The following AGBL3 variants were observed in gnomAD, a reference collection of about 807,000 sequenced individuals.
The protein encoded by AGBL3 is AGBL carboxypeptidase 3.
In AGBL3, 68 loss-of-function variants were observed where a neutral mutation model predicts 94.5. The ratio of observed to expected loss-of-function variants is 0.72; its 90% CI spans 0.59 to 0.88. The LOEUF (loss-of-function observed/expected upper bound fraction) is 0.88, where lower values mean the gene tolerates loss of function less well. Ranked by LOEUF, AGBL3 falls within the 40% of genes least tolerant of loss-of-function variation. The probability of loss-of-function intolerance (pLI) is 0.00; values close to 1 mark genes in which losing one functional copy is unlikely to be tolerated. For synonymous variants in AGBL3, 354 were observed against 370.7 expected (o/e 0.95, Z 0.52); for missense variants, 934 against 1,103.8 (o/e 0.85, Z 2.18).
At chr7:135,078,789 C>G (rs62479685) in intron 13 of AGBL3, among the ~76,000 whole-genome samples, 11,913 of 152,128 alleles carry the variant, frequency 0.078, 519 homozygotes, top group Middle Eastern at 0.19. Flanking sequence ...AAGCTAATAG[C>G]AGATTGTGGT....
chr7:134,991,015 G>A (rs1256553245), intron 3 of AGBL3, among the ~76,000 whole-genome samples: 2 of 152,144 alleles, frequency 1.3e-5, no homozygotes, highest in African/African-American at 2.4e-5. Flanking sequence ...TCAGATCTCA[G>A]TTCTGATCTG....
rs181251812 is a variant in AGBL3, at chr7:135,103,873, C to T, written c.2111-11507C>T. On this transcript the variant is annotated intron_variant, in intron 15 of 16. Transcript: ENST00000436302. ...TTGTAATTTTCTTCAACTGCTTCAA[C>T]TGCTTTATTTTTTTTTAATGTAAGG... Among the ~76,000 whole-genome samples, 11 of 152,142 alleles carry T rather than the reference C, an allele frequency of 7.2e-5. No homozygotes were observed. The East Asian group carries it at 2.1e-3, about 29-fold the overall frequency.
At chr7:134,998,632 A>G (rs1811310566) in intron 4 of AGBL3, among the ~76,000 whole-genome samples, 1 of 152,226 alleles carries the variant, frequency 6.6e-6, no homozygotes, top group Non-Finnish European at 1.5e-5. Flanking sequence ...ATATATAGGT[A>G]CAGAACTAGT....
intron 4 of AGBL3, among the ~76,000 whole-genome samples, chr7:135,009,818 G>A (rs1318705838): frequency 6.6e-6 from 1 of 152,128 alleles, no homozygotes; most frequent in East Asian, 1.9e-4. Flanking sequence ...CTTTAGCTGT[G>A]CCTTTTTACC....
rs1256396793 is a variant in AGBL3, at chr7:135,134,566, G to A, written c.2343-275G>A. 3.3e-5 allele frequency among the ~76,000 whole-genome samples: 5 copies of A among 151,756 alleles called. No individual in the cohort carries two copies. In the East Asian group the frequency reaches 9.7e-4, roughly 29 times the overall value. On this transcript the variant is annotated intron_variant, in intron 16 of 16. Coordinates refer to ENST00000436302, the MANE Select transcript of AGBL3 (RefSeq NM_178563.4). ...ACTAGATATATAGGTAAGGAGCTGG[G>A]GCCCAGAGTGGCTATTATATTAGGA...
chr7:134,993,441 G>A, intron 3 of AGBL3, 52 bp from the exon 4 acceptor site: 19 of 1,409,200 alleles, frequency 1.3e-5, no homozygotes, highest in Non-Finnish European at 1.7e-5. Context: ...AATTACAGGA[G>A]TTGGTATTTT....
At chr7:135,072,905 A>C (rs1479399901) in intron 12 of AGBL3, among the ~76,000 whole-genome samples, 1 of 152,108 alleles carries the variant, frequency 6.6e-6, no homozygotes, top group East Asian at 1.9e-4. Context: ...CTAAAACTTA[A>C]AGTATAATAA....
chr7:135,010,087 G>T lies in AGBL3; in HGVS notation c.311-6965G>T, dbSNP rs1444956326. The T allele has an allele frequency of 1.4e-5, 6 of 423,742 alleles. No individual in the cohort carries two copies. In the Admixed American group the frequency reaches 1.7e-4, roughly 12 times the overall value. 26.2% of individuals were successfully genotyped at this position (423,742 alleles called of 1,614,324 possible). A position where few individuals can be genotyped will look rare whatever the true frequency, so the allele number is the denominator to read the frequency against. The stretch of plus-strand genomic sequence containing the variant: ...GAGTCTCACCAGGCTGGAGCGCAGT[G>T]GTGCGATCTCGGCTCACTGCAACCT... On this transcript the variant is annotated intron_variant, in intron 4 of 16. Coordinates refer to ENST00000436302, the MANE Select transcript of AGBL3 (RefSeq NM_178563.4).
At chr7:135,079,253 A>G (rs1054671223) in intron 13 of AGBL3, among the ~76,000 whole-genome samples, 5 of 152,160 alleles carry the variant, frequency 3.3e-5, no homozygotes, top group Non-Finnish European at 5.9e-5. Flanking sequence ...TTGTCTTGCT[A>G]GTGATTGCAT....
chr7:134,999,520 C>T (rs929638762), intron 4 of AGBL3, among the ~76,000 whole-genome samples: 4 of 152,184 alleles, frequency 2.6e-5, no homozygotes, highest in Non-Finnish European at 5.9e-5. Context: ...ACCCACATGC[C>T]CACCTCAAGT....
chr7:135,073,508 A>AAAT (rs1707853695), intron 12 of AGBL3, among the ~76,000 whole-genome samples: 2 of 115,906 alleles, frequency 1.7e-5, no homozygotes, highest in Non-Finnish European at 2.0e-5. Flanking sequence ...ATAAATAAAT[A>AAAT]AATAAACCTT....
intron 15 of AGBL3, among the ~76,000 whole-genome samples, chr7:135,101,973 C>G (rs528592490): frequency 2.0e-5 from 3 of 152,294 alleles, no homozygotes; most frequent in Non-Finnish European, 4.4e-5. Flanking sequence ...TTTCGCTTTG[C>G]TCTCATTCTC....
At chr7:135,071,160 T>C (rs1223566414) in intron 12 of AGBL3, among the ~76,000 whole-genome samples, 3 of 152,016 alleles carry the variant, frequency 2.0e-5, no homozygotes, top group Non-Finnish European at 4.4e-5. Context: ...GAATCCAACT[T>C]ACAAGGGACG....
At position 135,135,323 on chromosome 7, in the gene AGBL3, AG is replaced by A; in HGVS notation, c.*63del. 1 of 1,352,390 alleles carries A rather than the reference AG, an allele frequency of 7.4e-7. No homozygotes were observed. The highest frequency in any genetic ancestry group is 2.0e-5 in the South Asian group (1 of 50,552). The allele number at this position is 1,352,390 out of a possible 1,614,324, so 83.8% of individuals were successfully genotyped here. A position where few individuals can be genotyped will look rare whatever the true frequency, so the allele number is the denominator to read the frequency against. ...GATAACATATGCTTATGTAGTAAAAAGAAAAAAAGGAAAGCCCTCCCCTTCC... is the reference window on the plus strand; with the variant it reads ...GATAACATATGCTTATGTAGTAAAAAAAAAAAAGGAAAGCCCTCCCCTTCC... On this transcript the variant is annotated 3_prime_UTR_variant, in exon 17 of 17. Coordinates refer to ENST00000436302, the MANE Select transcript of AGBL3 (RefSeq NM_178563.4).
At chr7:135,029,699 C>A (rs1411293460) in intron 5 of AGBL3, among the ~76,000 whole-genome samples, 1 of 152,182 alleles carries the variant, frequency 6.6e-6, no homozygotes, top group Non-Finnish European at 1.5e-5. Flanking sequence ...ACCTGGTTAA[C>A]TGACACAAAA....
At chr7:135,071,868 T>G (rs1471875682) in intron 12 of AGBL3, among the ~76,000 whole-genome samples, 1 of 152,120 alleles carries the variant, frequency 6.6e-6, no homozygotes, top group Non-Finnish European at 1.5e-5. Flanking sequence ...ACTTCATGTC[T>G]AAAACACCAA....
intron 15 of AGBL3, among the ~76,000 whole-genome samples, chr7:135,092,188 T>TC (rs55684924): frequency 0.48 from 73,659 of 151,952 alleles, 18,205 homozygotes; most frequent in South Asian, 0.66. Context: ...TTTATTCTCC[T>TC]TTTCCAGTTA....
rs767089975 is a variant in AGBL3 at position 135,034,142 on chromosome 7, G to T, written c.558-7G>T. On this transcript the variant is annotated splice_region_variant and splice_polypyrimidine_tract_variant and intron_variant, in intron 6 of 16. Transcript: ENST00000436302. ...GTGCTTTTTTCCCTTTCTTTCTTGT[G>T]TATTAGGGCAGAATACGAATACCAA... 6.6e-7 allele frequency: 1 copy of T among 1,508,838 alleles called. No homozygotes were observed. The highest frequency in any genetic ancestry group is 1.3e-5 in the South Asian group (1 of 75,652). 93.5% of individuals were successfully genotyped at this position (1,508,838 alleles called of 1,614,324 possible).
chr7:135,124,804 T>C (rs1827630523), intron 16 of AGBL3, among the ~76,000 whole-genome samples: 1 of 152,148 alleles, frequency 6.6e-6, no homozygotes, highest in African/African-American at 2.4e-5. Flanking sequence ...GACTCCTCGG[T>C]AAATAATGAA....
Sources: gnomAD v4.1 joint callset for allele counts (sites outside exome capture counted in the v4.1 genomes callset) on GRCh38, gnomAD v4.1.1 for gene constraint, MANE v1.5 for transcripts, NCBI Gene and HGNC (gene_info 2026-07-23, HGNC 2026-07-21) for gene names.